PRR16: variants seen among roughly 807,000 people sequenced by gnomAD.
PRR16 encodes proline rich 16.
Under a neutral mutation model 18.2 loss-of-function variants are expected in PRR16, and 6 were observed. The ratio of observed to expected loss-of-function variants is 0.33; its 90% CI spans 0.18 to 0.65. The LOEUF is 0.65. Ranked by LOEUF, PRR16 falls within the 30% of genes least tolerant of loss-of-function variation. The probability of loss-of-function intolerance (pLI) is 0.74; values close to 1 mark genes in which losing one functional copy is unlikely to be tolerated. For synonymous variants in PRR16, 151 were observed against 147.8 expected, an observed-to-expected ratio of 1.02 and a Z score of -0.16; for missense variants, 412 against 376.6, an observed-to-expected ratio of 1.09 and a Z score of -0.78.
intron 1 of PRR16, among the ~76,000 whole-genome samples, chr5:120,664,492 A>G (rs1756292796): frequency 2.6e-5 from 4 of 151,234 alleles, no homozygotes; most frequent in Admixed American, 2.6e-4. Flanking sequence ...GTTTTAGGGT[A>G]CATGTGCACA....
intron 1 of PRR16, chr5:120,617,010 C>T (rs1358398799): frequency 7.1e-6 from 4 of 565,606 alleles, no homozygotes; most frequent in African/African-American, 2.0e-5. Flanking sequence ...CATTCATAAC[C>T]TCCTGCACCA....
At chr5:120,528,309 G>A (rs866047038) in intron 1 of PRR16, among the ~76,000 whole-genome samples, 5 of 152,154 alleles carry the variant, frequency 3.3e-5, no homozygotes, top group Non-Finnish European at 2.9e-5. Flanking sequence ...AATAGTTGAG[G>A]AAAGTCAGGT....
At chr5:120,516,108 A>G (rs1373723358) in intron 1 of PRR16, among the ~76,000 whole-genome samples, 6 of 152,124 alleles carry the variant, frequency 3.9e-5, no homozygotes, top group African/African-American at 1.4e-4. Flanking sequence ...GCTAGAAAGC[A>G]AAACCAAACC....
At chr5:120,568,108 T>C (rs10478480) in intron 1 of PRR16, among the ~76,000 whole-genome samples, 32,534 of 152,156 alleles carry the variant, frequency 0.21, 3,679 homozygotes, top group Non-Finnish European at 0.21. Context: ...ATGATATAAT[T>C]ATTTCTTTGC....
In PRR16 at chr5:120,621,748, A is replaced by G. The variant is rs1310542511; in HGVS notation, c.160-64206A>G. Among the ~76,000 whole-genome samples, 4 of 152,166 alleles carry G rather than the reference A, an allele frequency of 2.6e-5. 1 individual carries two copies. Among genetic ancestry groups the G allele is most frequent in the African/African-American group, 4.8e-5 (2 of 41,530 alleles). On this transcript the variant is annotated intron_variant, in intron 1 of 1. Coordinates refer to ENST00000407149, the MANE Select transcript of PRR16 (RefSeq NM_001300783.2). Reference sequence around the variant, plus strand: ...GCACATCTCCTTTCTGCCACCTTGTAAAGAAGGTGCCTTGCTTCCCCCTGG... The same window carrying G: ...GCACATCTCCTTTCTGCCACCTTGTGAAGAAGGTGCCTTGCTTCCCCCTGG...
intron 1 of PRR16, among the ~76,000 whole-genome samples, chr5:120,660,096 C>T (rs922462704): frequency 1.8e-4 from 27 of 151,910 alleles, no homozygotes; most frequent in African/African-American, 6.5e-4. Flanking sequence ...CTAAACTCAT[C>T]CTAAGTTTAT....
At chr5:120,546,079 C>A (rs897374714) in intron 1 of PRR16, among the ~76,000 whole-genome samples, 8 of 151,884 alleles carry the variant, frequency 5.3e-5, no homozygotes, top group African/African-American at 1.7e-4. Context: ...GTATTTTTAT[C>A]ACTTTCATTT....
At chr5:120,548,508 T>C (rs1752146863) in intron 1 of PRR16, among the ~76,000 whole-genome samples, 1 of 152,102 alleles carries the variant, frequency 6.6e-6, no homozygotes, top group Non-Finnish European at 1.5e-5. Flanking sequence ...GAATCAGGGT[T>C]GTTATAAAGA....
the PRR16 span, among the ~76,000 whole-genome samples, chr5:120,785,319 C>T: frequency 9.2e-5 from 14 of 152,210 alleles, no homozygotes; most frequent in Admixed American, 8.5e-4. Flanking sequence ...AAATAGGAAT[C>T]AGTATCTATT....
chr5:120,681,312 T>G (rs1365155775), intron 1 of PRR16, among the ~76,000 whole-genome samples: 5 of 152,200 alleles, frequency 3.3e-5, no homozygotes, highest in African/African-American at 1.2e-4. Flanking sequence ...TATCTGTTAT[T>G]TCAATAGTTT....
At chr5:120,537,582 T>A (rs897969194) in intron 1 of PRR16, among the ~76,000 whole-genome samples, 1 of 111,798 alleles carries the variant, frequency 8.9e-6, no homozygotes, top group Non-Finnish European at 1.8e-5. Context: ...CCACACCAAT[T>A]GCTATTAAGC....
chr5:120,594,003 A>C (rs1424042622), intron 1 of PRR16, among the ~76,000 whole-genome samples: 1 of 152,088 alleles, frequency 6.6e-6, no homozygotes, highest in Non-Finnish European at 1.5e-5. Flanking sequence ...AACGTACTTC[A>C]AAATAATAAG....
In PRR16 at chr5:120,614,105, A is replaced by G. The variant is rs190559744; in HGVS notation, c.160-71849A>G. On this transcript the variant is annotated intron_variant, in intron 1 of 1. Coordinates refer to ENST00000407149, the MANE Select transcript of PRR16 (RefSeq NM_001300783.2). ...CTCCAGATAAATCTGATGGCTTAAT[A>G]CAGATACATGTTTTTCTTCTGTAAT... Among the ~76,000 whole-genome samples, 3 of 152,322 alleles carry G rather than the reference A, an allele frequency of 2.0e-5. No homozygotes were observed. The East Asian group carries it at 5.8e-4, about 29-fold the overall frequency.
chr5:120,558,383 C>A (rs571115438), intron 1 of PRR16, among the ~76,000 whole-genome samples: 1 of 151,886 alleles, frequency 6.6e-6, no homozygotes, highest in African/African-American at 2.4e-5. Context: ...TTAGTTACTA[C>A]AAATTAGAAC....
intron 1 of PRR16, among the ~76,000 whole-genome samples, chr5:120,624,818 G>A (rs1754806893): frequency 6.6e-6 from 1 of 152,082 alleles, no homozygotes; most frequent in South Asian, 2.1e-4. Flanking sequence ...TGTTGTGGGA[G>A]GGACCTGGTG....
the PRR16 span, among the ~76,000 whole-genome samples, chr5:120,740,480 C>T: frequency 2.6e-5 from 4 of 152,024 alleles, no homozygotes; most frequent in African/African-American, 9.7e-5. Flanking sequence ...TTTGAAAATA[C>T]CACACTTTAG....
chr5:120,707,779 G>A, the PRR16 span, among the ~76,000 whole-genome samples: 1 of 152,190 alleles, frequency 6.6e-6, no homozygotes, highest in Non-Finnish European at 1.5e-5. Flanking sequence ...TCAATTGTTA[G>A]TAAAGATAAT....
chr5:120,683,186 AATC>A (rs1414892508), intron 1 of PRR16, among the ~76,000 whole-genome samples: 1 of 152,174 alleles, frequency 6.6e-6, no homozygotes, highest in African/African-American at 2.4e-5. Flanking sequence ...GCTAAAAATC[AATC>A]ATATTTTTTA....
chr5:120,548,440 A>G (rs557587502), intron 1 of PRR16, among the ~76,000 whole-genome samples: 1 of 152,146 alleles, frequency 6.6e-6, no homozygotes, highest in African/African-American at 2.4e-5. Context: ...AAAGAAAAAT[A>G]TTGAAAAATA....
Sources: gnomAD v4.1 joint callset for allele counts (sites outside exome capture counted in the v4.1 genomes callset) on GRCh38, gnomAD v4.1.1 for gene constraint, MANE v1.5 for transcripts, NCBI Gene and HGNC (gene_info 2026-07-23, HGNC 2026-07-21) for gene names.